FER: variants seen among roughly 807,000 people sequenced by gnomAD.
The protein encoded by FER is tyrosine-protein kinase Fer.
Under a neutral mutation model 111.0 loss-of-function variants are expected in FER, and 63 were observed. The ratio of observed to expected loss-of-function variants is 0.57; its 90% CI spans 0.46 to 0.70. FER has a LOEUF of 0.70. Ranked by LOEUF, FER falls within the 30% of genes least tolerant of loss-of-function variation. FER has a pLI of 0.00. For synonymous variants in FER, 327 were observed against 313.9 expected (o/e 1.04, Z -0.44); for missense variants, 914 against 954.0 (o/e 0.96, Z 0.55).
At chr5:108,915,321 A>T (rs1377748830) in intron 10 of FER, among the ~76,000 whole-genome samples, 1 of 152,076 alleles carries the variant, frequency 6.6e-6, no homozygotes, top group East Asian at 1.9e-4. Context: ...AAAAATACAA[A>T]AATTAGCCAG....
At chr5:108,965,053 GA>G (rs1363940530) in intron 13 of FER, among the ~76,000 whole-genome samples, 1 of 151,796 alleles carries the variant, frequency 6.6e-6, no homozygotes, top group African/African-American at 2.4e-5. Context: ...CTCACAGTTT[GA>G]AAAAAACGTT....
chr5:108,985,342 C>G (rs953843491), intron 13 of FER, among the ~76,000 whole-genome samples: 1 of 151,886 alleles, frequency 6.6e-6, no homozygotes, highest in Non-Finnish European at 1.5e-5. Flanking sequence ...ATAAATTGTT[C>G]TACTCTTTGA....
chr5:108,935,252 C>G (rs1755291579), intron 10 of FER, among the ~76,000 whole-genome samples: 1 of 152,098 alleles, frequency 6.6e-6, no homozygotes, highest in Non-Finnish European at 1.5e-5. Flanking sequence ...TCAGGAGTCT[C>G]TGAATGAGAA....
chr5:108,969,343 T>C (rs1231971112), intron 13 of FER, among the ~76,000 whole-genome samples: 1 of 152,136 alleles, frequency 6.6e-6, no homozygotes, highest in Non-Finnish European at 1.5e-5. Context: ...GTACTGTGAA[T>C]GAGGAAGTTC....
intron 17 of FER, among the ~76,000 whole-genome samples, chr5:109,137,329 A>G (rs946191282): frequency 3.2e-4 from 49 of 152,196 alleles, no homozygotes; most frequent in African/African-American, 1.2e-3. Flanking sequence ...GGGTCCACAT[A>G]CCATGCAGTC....
intron 17 of FER, among the ~76,000 whole-genome samples, chr5:109,142,124 T>A (rs1254106934): frequency 6.6e-6 from 1 of 152,068 alleles, no homozygotes; most frequent in Non-Finnish European, 1.5e-5. Flanking sequence ...ATAATCTCAT[T>A]TAAGAGGGTG....
At position 109,057,163 on chromosome 5, in the gene FER, C is replaced by G. The variant is rs1773761637; in HGVS notation, c.1924+9965C>G. On this transcript the variant is annotated intron_variant, in intron 16 of 19. Coordinates refer to ENST00000281092, the MANE Select transcript of FER (RefSeq NM_005246.4). ...TCTTCATCTTTTGTCAGATTTATCACTGATGTACCACTAAAAGAAGAAAGG... is the reference window on the plus strand; with the variant it reads ...TCTTCATCTTTTGTCAGATTTATCAGTGATGTACCACTAAAAGAAGAAAGG... 2.6e-5 allele frequency among the ~76,000 whole-genome samples: 4 copies of G among 152,268 alleles called. No individual in the cohort carries two copies. In the South Asian group the frequency reaches 8.3e-4, roughly 32 times the overall value.
At chr5:109,181,702 A>T (rs1758309011) in intron 18 of FER, among the ~76,000 whole-genome samples, 1 of 152,236 alleles carries the variant, frequency 6.6e-6, no homozygotes, top group South Asian at 2.1e-4. Flanking sequence ...GCATTTATAA[A>T]TGCCTTAATT....
intron 10 of FER, among the ~76,000 whole-genome samples, chr5:108,924,380 AAATC>A (rs1753453100): frequency 2.0e-5 from 3 of 150,676 alleles, no homozygotes; most frequent in Admixed American, 2.0e-4. Context: ...AAAAAAAAAA[AAATC>A]AAGTAGAACA....
intron 4 of FER, among the ~76,000 whole-genome samples, chr5:108,834,050 A>G (rs2150135503): frequency 6.6e-6 from 1 of 152,274 alleles, no homozygotes; most frequent in South Asian, 2.1e-4. Flanking sequence ...GATACTTTTA[A>G]AAAATATGTA....
intron 10 of FER, among the ~76,000 whole-genome samples, chr5:108,898,513 C>G (rs977643241): frequency 6.7e-6 from 1 of 148,206 alleles, no homozygotes; most frequent in African/African-American, 2.5e-5. Flanking sequence ...TCTCTCCTTT[C>G]TCCTTCTTCC....
intron 9 of FER, among the ~76,000 whole-genome samples, chr5:108,893,968 GT>G (rs561122699): frequency 0.027 from 3,764 of 137,508 alleles, 50 homozygotes; most frequent in Middle Eastern, 0.04. Flanking sequence ...AAGGAAAGAG[GT>G]TTTTTTTTTT....
At chr5:109,017,470 G>T (rs1031508312) in intron 13 of FER, among the ~76,000 whole-genome samples, 2 of 151,918 alleles carry the variant, frequency 1.3e-5, no homozygotes, top group African/African-American at 4.8e-5. Context: ...AAATGACATA[G>T]TAAGATTTTC....
At chr5:109,065,646 A>G (rs1343551130) in intron 16 of FER, among the ~76,000 whole-genome samples, 1 of 152,188 alleles carries the variant, frequency 6.6e-6, no homozygotes, top group African/African-American at 2.4e-5. Flanking sequence ...ACGTGAGCCC[A>G]GGGGTTCACA....
intron 17 of FER, among the ~76,000 whole-genome samples, chr5:109,122,082 C>A (rs1191774640): frequency 3.3e-5 from 5 of 151,296 alleles, no homozygotes; most frequent in African/African-American, 1.2e-4. Context: ...TTTCATTTAT[C>A]TTCCCTTGAC....
At chr5:109,180,467 CTG>C (rs1041850356) in intron 17 of FER, among the ~76,000 whole-genome samples, 8 of 152,240 alleles carry the variant, frequency 5.3e-5, no homozygotes, top group African/African-American at 1.9e-4. Flanking sequence ...AGCCTCTTCT[CTG>C]TAATTTTCTC....
chr5:109,125,332 A>G (rs1257744355), intron 17 of FER, among the ~76,000 whole-genome samples: 1 of 152,158 alleles, frequency 6.6e-6, no homozygotes, highest in African/African-American at 2.4e-5. Flanking sequence ...TAACCATAAA[A>G]TCATAATCAT....
At chr5:108,894,293 G>C in intron 9 of FER, 1 of 695,154 alleles carries the variant, frequency 1.4e-6, no homozygotes, top group Non-Finnish European at 2.0e-6. Context: ...GGTTCAGGTT[G>C]GGACTTGGGG....
intron 5 of FER, among the ~76,000 whole-genome samples, chr5:108,844,093 C>T (rs866352929): frequency 1.3e-4 from 13 of 96,814 alleles, no homozygotes; most frequent in Non-Finnish European, 2.8e-4. Context: ...TGCGTGTGAA[C>T]ATATGTGTGT....
Sources: allele counts gnomAD v4.1 joint callset (sites outside exome capture counted in the v4.1 genomes callset), GRCh38; gene constraint gnomAD v4.1.1; transcripts MANE v1.5; gene names NCBI Gene and HGNC (gene_info 2026-07-23, HGNC 2026-07-21).